Variants in TMEM141 observed in about 807,000 individuals in gnomAD.
TMEM141 encodes transmembrane protein 141.
TMEM141 carries 18 observed loss-of-function variants against 15.9 expected under a neutral mutation model. That is an observed-to-expected ratio of 1.13 (90% CI 0.78 to 1.68). TMEM141 has a LOEUF of 1.68. Among genes scored for constraint, TMEM141 ranks in the 40% most tolerant of loss-of-function variants. The probability of loss-of-function intolerance (pLI) is 0.00; values close to 1 mark genes in which losing one functional copy is unlikely to be tolerated. For missense variants in TMEM141, 161 were observed against 139.5 expected, an observed-to-expected ratio of 1.15 and a Z score of -0.78; for synonymous variants, 69 against 54.0, an observed-to-expected ratio of 1.28 and a Z score of -1.22.
chr9:136,792,027 G>A lies in TMEM141; in HGVS notation c.202G>A (p.Val68Met), dbSNP rs1447539864. 3 of 1,613,720 alleles carry A rather than the reference G, an allele frequency of 1.9e-6. No individual in the cohort carries two copies. The African/African-American group carries it at 4.0e-5, about 22-fold the overall frequency. ...YPLQWSLLVA[V>M]VAGSVVSYGV... The stretch of plus-strand genomic sequence containing the variant: ...TTTGCAGTGGAGCCTCCTAGTGGCC[G>A]TGGGTGGGTACTCCAGGGCCCCTGC... The change falls in exon 3 of 5, where the codon GTG becomes ATG. Residue 68 changes from valine to methionine, a missense_variant. Physicochemically the swap from Val to Met is conservative, Grantham distance 21. Coordinates refer to ENST00000290079, the MANE Select transcript of TMEM141 (RefSeq NM_032928.4).
chr9:136,791,421 C>T lies in TMEM141; in HGVS notation c.51C>T (p.His17=), dbSNP rs369816964. The change falls in exon 1 of 5, where the codon CAC becomes CAT. Residue 17 remains histidine, a synonymous_variant. Transcript: ENST00000290079. ...SRVDDAVAAK[H]PGLGEYAACQ... is the part of the protein sequence containing the mutation. ...TGGACGACGCCGTGGCTGCCAAGCA[C>T]CCGGTGAGAAGGCCGGTCTGGGACG... The T allele has an allele frequency of 4.2e-5, 66 of 1,557,788 alleles. No homozygotes were observed. The East Asian group carries it at 7.5e-4, about 18-fold the overall frequency.
chr9:136,792,709 C>A (rs1847603461), intron 4 of TMEM141, 110 bp from the exon 5 acceptor site: 2 of 845,548 alleles, frequency 2.4e-6, no homozygotes, highest in Admixed American at 4.9e-5. Context: ...CTGGCCTCCA[C>A]TGCCCGTTGT....
At chr9:136,792,477 G>A (rs1320592445) in intron 4 of TMEM141, 119 bp downstream of exon 4, 5 of 826,464 alleles carry the variant, frequency 6.0e-6, no homozygotes, top group South Asian at 1.6e-5. Flanking sequence ...CCTCTGGCCC[G>A]GCCTCCTCAG....
At position 136,791,415 on chromosome 9, in the gene TMEM141, CA is replaced by C; in HGVS notation, c.47del (p.Lys16SerfsTer17). The stretch of plus-strand genomic sequence containing the variant: ...CCCGGGTGGACGACGCCGTGGCTGC[CA>C]AGCACCCGGTGAGAAGGCCGGTCTG... ...LSRVDDAVAA[K>X]HPGLGEYAAC... On this transcript the variant is annotated frameshift_variant, in exon 1 of 5. Transcript: ENST00000290079. LOFTEE classifies it high-confidence loss of function. The C allele has an allele frequency of 1.3e-6, 2 of 1,558,802 alleles. No homozygotes were observed. Among genetic ancestry groups the C allele is most frequent in the Non-Finnish European group, 1.7e-6 (2 of 1,151,724 alleles).
rs754855427 is a variant in TMEM141, at chr9:136,791,819, C to T, written c.121+42C>T. 1.9e-6 allele frequency: 3 copies of T among 1,607,556 alleles called. No homozygotes were observed. The Admixed American group carries it at 5.0e-5, about 27-fold the overall frequency. On this transcript the variant is annotated intron_variant, in intron 2 of 4. Coordinates refer to ENST00000290079, the MANE Select transcript of TMEM141 (RefSeq NM_032928.4). ...TGTCCTGCGGCTGGGAGAGAACGCA[C>T]CCTCCCGCCCTGCCCTGACTCCCCA...
intron 4 of TMEM141, 58 bp from the exon 5 acceptor site, chr9:136,792,751 AAAATGGGCAC>A (rs1478504180): frequency 7.8e-7 from 1 of 1,279,666 alleles, no homozygotes; most frequent in Non-Finnish European, 1.1e-6. Flanking sequence ...CTGCCATGAT[AAAATGGGCAC>A]AGGGATGCCC....
chr9:136,791,905 T>C (rs2784042), intron 2 of TMEM141, 42 bp from the exon 3 acceptor site: 803,844 of 1,613,088 alleles, frequency 0.5, 203,887 homozygotes, highest in African/African-American at 0.67. Flanking sequence ...GGGCCCTGGC[T>C]ATCCCCGGGT....
intron 4 of TMEM141, 104 bp downstream of exon 4, chr9:136,792,462 C>T (rs1847601080): frequency 1.0e-6 from 1 of 963,392 alleles, no homozygotes; most frequent in Non-Finnish European, 1.6e-6. Context: ...TAGACAAGGT[C>T]CCTCCCTCTG....
At chr9:136,791,909 C>T in intron 2 of TMEM141, 38 bp from the exon 3 acceptor site, 1 of 1,613,766 alleles carries the variant, frequency 6.2e-7, no homozygotes, top group Non-Finnish European at 8.5e-7. Context: ...CCTGGCTATC[C>T]CCGGGTACAG....
chr9:136,791,898 C>T (rs374228547), intron 2 of TMEM141, 49 bp from the exon 3 acceptor site: 6 of 1,612,908 alleles, frequency 3.7e-6, no homozygotes, highest in Non-Finnish European at 5.1e-6. Context: ...GCAAGGTGGG[C>T]CCTGGCTATC....
chr9:136,791,788 T>C lies in TMEM141; in HGVS notation c.121+11T>C, dbSNP rs763302623. 1 of 1,612,648 alleles carries C rather than the reference T, an allele frequency of 6.2e-7. No homozygotes were observed. Among genetic ancestry groups the C allele is most frequent in the South Asian group, 1.1e-5 (1 of 91,042 alleles). ...TCACCTTCGTCACAGGTAGGCTGCG[T>C]CCAGGTGTCCTGCGGCTGGGAGAGA... On this transcript the variant is annotated intron_variant, in intron 2 of 4. Transcript: ENST00000290079.
intron 2 of TMEM141, 36 bp from the exon 3 acceptor site, chr9:136,791,911 C>G: frequency 1.2e-6 from 2 of 1,613,740 alleles, no homozygotes; most frequent in Non-Finnish European, 1.7e-6. Context: ...TGGCTATCCC[C>G]GGGTACAGGT....
intron 1 of TMEM141, 59 bp downstream of exon 1, chr9:136,791,483 G>T (rs968400387): frequency 4.5e-6 from 7 of 1,547,880 alleles, no homozygotes; most frequent in African/African-American, 1.4e-5. Context: ...TGAGCGAGGC[G>T]GGGGGCCGGG....
In TMEM141 at chr9:136,791,524, G is replaced by A; in HGVS notation, c.54+100G>A. 4 of 1,544,662 alleles carry A rather than the reference G, an allele frequency of 2.6e-6. No homozygotes were observed. The South Asian group carries it at 3.6e-5, about 14-fold the overall frequency. On this transcript the variant is annotated intron_variant, in intron 1 of 4. Transcript: ENST00000290079. Reference sequence around the variant, plus strand: ...GGGGTGCCCTCGTCAGGGAAGAGTGGCGGAGGCTGGGGGCACTCTCTTGCT... The same window carrying A: ...GGGGTGCCCTCGTCAGGGAAGAGTGACGGAGGCTGGGGGCACTCTCTTGCT...
chr9:136,791,978 C>G lies in TMEM141; in HGVS notation c.153C>G (p.Phe51Leu). Residue 51 changes from phenylalanine to leucine, a missense_variant, in exon 3 of 5, where the codon TTC (phenylalanine) becomes TTG (leucine). By Grantham distance (22) the Phe-to-Leu change is conservative. Transcript: ENST00000290079. ...GTGMAFGLQM[F>L]IQRKFPYPLQ... ...GCATGGCCTTTGGCTTGCAGATGTTCATTCAGAGGAAGTTTCCATACCCTT... is the reference window on the plus strand; with the variant it reads ...GCATGGCCTTTGGCTTGCAGATGTTGATTCAGAGGAAGTTTCCATACCCTT... The G allele has an allele frequency of 6.2e-7, 1 of 1,614,122 alleles. No homozygotes were observed. Among genetic ancestry groups the G allele is most frequent in the Non-Finnish European group, 8.5e-7 (1 of 1,180,020 alleles).
chr9:136,791,672 G>A (rs1427353719), intron 1 of TMEM141, 39 bp from the exon 2 acceptor site: 1 of 1,606,430 alleles, frequency 6.2e-7, no homozygotes, highest in Admixed American at 1.7e-5. Flanking sequence ...GAAGGAAGAG[G>A]GCAGGGGATC....
rs1384881885 is a variant in TMEM141, at chr9:136,793,275, C to G, written c.*443C>G. 6.5e-6 allele frequency: 1 copy of G among 154,378 alleles called. No individual in the cohort carries two copies. 9.6% of individuals were successfully genotyped at this position (154,378 alleles called of 1,614,324 possible). ...TCTCTCCACCCAAGTTTCCACCTGA[C>G]CAGGTGAAAAACAAATCAGAAGGGT... On this transcript the variant is annotated 3_prime_UTR_variant, in exon 5 of 5. Transcript: ENST00000290079.
At chr9:136,792,158 A>C in intron 3 of TMEM141, 93 bp from the exon 4 acceptor site, 1 of 1,493,140 alleles carries the variant, frequency 6.7e-7, no homozygotes. Flanking sequence ...ACCTGAGCCC[A>C]CCCACCACGT....
At chr9:136,791,639 A>G (rs2131119835) in intron 1 of TMEM141, 72 bp from the exon 2 acceptor site, 3 of 1,594,310 alleles carry the variant, frequency 1.9e-6, no homozygotes, top group Middle Eastern at 3.4e-4. Context: ...GGGTGTGCCC[A>G]GAGGAGGGAC....
Sources: allele counts gnomAD v4.1 joint callset, GRCh38; gene constraint gnomAD v4.1.1; transcripts MANE v1.5; gene names NCBI Gene and HGNC (gene_info 2026-07-23, HGNC 2026-07-21).